Variants in ENPP2 observed in about 807,000 individuals in gnomAD.
The protein encoded by ENPP2 is ectonucleotide pyrophosphatase/phosphodiesterase 2, also known as autotaxin.
Under a neutral mutation model 120.2 loss-of-function variants are expected in ENPP2, and 51 were observed. The observed-to-expected ratio is 0.42, with a 90% CI of 0.34 to 0.54. The LOEUF (loss-of-function observed/expected upper bound fraction) is 0.54. Ranked by LOEUF, ENPP2 falls within the 20% of genes least tolerant of loss-of-function variation. The probability of loss-of-function intolerance (pLI) is 0.04; values close to 1 mark genes in which losing one functional copy is unlikely to be tolerated. For missense variants in ENPP2, 920 were observed against 1,066.5 expected, an observed-to-expected ratio of 0.86 and a Z score of 1.91; for synonymous variants, 365 against 366.4, an observed-to-expected ratio of 1.00 and a Z score of 0.04.
At chr8:119,619,694 A>G (rs1815748772) in intron 4 of ENPP2, among the ~76,000 whole-genome samples, 1 of 151,944 alleles carries the variant, frequency 6.6e-6, no homozygotes, top group African/African-American at 2.4e-5. Flanking sequence ...AGCATGGCAA[A>G]ACTTCCCTTT....
At chr8:119,567,563 TA>T (rs1337413103) in intron 22 of ENPP2, among the ~76,000 whole-genome samples, 2 of 152,144 alleles carry the variant, frequency 1.3e-5, no homozygotes, top group Non-Finnish European at 2.9e-5. Context: ...ACAAAGAAAT[TA>T]CAAATGTTCA....
At chr8:119,666,765 A>T (rs1818084417) in intron 1 of ENPP2, among the ~76,000 whole-genome samples, 1 of 139,070 alleles carries the variant, frequency 7.2e-6, no homozygotes, top group Non-Finnish European at 1.5e-5. Context: ...GGGCAAAAAG[A>T]GCAAAACTGT....
At chr8:119,563,119 C>T in intron 23 of ENPP2, 106 bp from the exon 24 acceptor site, 2 of 873,518 alleles carry the variant, frequency 2.3e-6, no homozygotes, top group Admixed American at 2.7e-5. Flanking sequence ...AAATTAATCC[C>T]CATTCAATTG....
intron 22 of ENPP2, among the ~76,000 whole-genome samples, chr8:119,567,058 C>T (rs1814513743): frequency 6.6e-6 from 1 of 152,208 alleles, no homozygotes; most frequent in Non-Finnish European, 1.5e-5. Context: ...TCGCCCATTC[C>T]TATTTTGAGA....
rs575923779 is a variant in ENPP2 at position 119,573,332 on chromosome 8, A to T, written c.1781-2491T>A. Among the ~76,000 whole-genome samples the T allele has an allele frequency of 2.0e-5, 3 of 150,488 alleles. No homozygotes were observed. The South Asian group carries it at 6.4e-4, about 32-fold the overall frequency. On this transcript the variant is annotated intron_variant, in intron 19 of 24. Coordinates refer to ENST00000075322, the MANE Select transcript of ENPP2 (RefSeq NM_001040092.3). ...TGAGACAGGAGAATCGCTTGAACCC[A>T]GGATGTGGAGGATGCAGTTAGCCAA...
At chr8:119,630,825 T>C (rs1816610010) in intron 2 of ENPP2, among the ~76,000 whole-genome samples, 1 of 152,168 alleles carries the variant, frequency 6.6e-6, no homozygotes. Context: ...GGGAAGGTAG[T>C]TTGAGCCATA....
intron 8 of ENPP2, among the ~76,000 whole-genome samples, chr8:119,613,170 G>A (rs936536687): frequency 2.6e-5 from 4 of 152,096 alleles, no homozygotes; most frequent in Admixed American, 2.6e-4. Context: ...ACCCACTTAA[G>A]GAACTCCATT....
intron 1 of ENPP2, among the ~76,000 whole-genome samples, chr8:119,654,382 G>C (rs1817711418): frequency 7.0e-6 from 1 of 141,938 alleles, no homozygotes; most frequent in Non-Finnish European, 1.5e-5. Flanking sequence ...TATATAGAGA[G>C]ATATATCTAG....
intron 11 of ENPP2, chr8:119,596,115 T>G: frequency 1.1e-6 from 1 of 950,542 alleles, no homozygotes; most frequent in Non-Finnish European, 1.5e-6. Context: ...TAACTAAGGC[T>G]CCTTAAGTGA....
chr8:119,603,097 A>G (rs1814432183), intron 9 of ENPP2, among the ~76,000 whole-genome samples: 1 of 152,208 alleles, frequency 6.6e-6, no homozygotes, highest in South Asian at 2.1e-4. Context: ...CCTGATCACT[A>G]TATCCTATAA....
chr8:119,652,318 G>GATTT (rs1366640459), intron 1 of ENPP2, among the ~76,000 whole-genome samples: 1 of 152,066 alleles, frequency 6.6e-6, no homozygotes, highest in Non-Finnish European at 1.5e-5. Flanking sequence ...TGGGAGTTAG[G>GATTT]ATTTCAACGT....
At chr8:119,564,184 A>C (rs1367289292) in intron 23 of ENPP2, among the ~76,000 whole-genome samples, 1 of 151,974 alleles carries the variant, frequency 6.6e-6, no homozygotes, top group East Asian at 1.9e-4. Context: ...TGACTCAGAA[A>C]ATCTAAGGGA....
intron 1 of ENPP2, among the ~76,000 whole-genome samples, chr8:119,646,166 T>C (rs1817461278): frequency 6.6e-6 from 1 of 152,100 alleles, no homozygotes; most frequent in African/African-American, 2.4e-5. Flanking sequence ...AGACGGGGTT[T>C]CACTGTGTTA....
rs532542422 is a variant in ENPP2 at position 119,609,617 on chromosome 8, C to T, written c.778-1640G>A. Among the ~76,000 whole-genome samples, 112 of 152,280 alleles carry T rather than the reference C, an allele frequency of 7.4e-4. 3 individuals carry two copies. The South Asian group carries it at 0.016, about 21-fold the overall frequency. ...TTCATTCTTGTTCCAGCACCTCCAC[C>T]AGCAAGAAGATGAGCTCAAATGAAG... On this transcript the variant is annotated intron_variant, in intron 8 of 24. Coordinates refer to ENST00000075322, the MANE Select transcript of ENPP2 (RefSeq NM_001040092.3).
At chr8:119,621,360 T>G (rs769840053) in intron 4 of ENPP2, 34 bp downstream of exon 4, 1 of 1,607,806 alleles carries the variant, frequency 6.2e-7, no homozygotes, top group Non-Finnish European at 8.5e-7. Flanking sequence ...TTTTTATTCT[T>G]TTAAAGCTCA....
At chr8:119,592,953 G>A in intron 12 of ENPP2, 1 of 976,994 alleles carries the variant, frequency 1.0e-6, no homozygotes, top group Non-Finnish European at 1.2e-6. Context: ...CAAAGAGTCA[G>A]CCAATTTTCA....
intron 1 of ENPP2, among the ~76,000 whole-genome samples, chr8:119,651,640 C>T (rs1179737432): frequency 6.6e-6 from 1 of 152,114 alleles, no homozygotes; most frequent in Non-Finnish European, 1.5e-5. Context: ...AGTCTTGATA[C>T]TTGATAATGT....
chr8:119,585,030 C>T (rs148168562), intron 15 of ENPP2, among the ~76,000 whole-genome samples: 179 of 152,246 alleles, frequency 1.2e-3, no homozygotes, highest in African/African-American at 4.2e-3. Context: ...ATTTGCCCAA[C>T]TGTCATCATC....
intron 24 of ENPP2, among the ~76,000 whole-genome samples, 154 bp from the exon 25 acceptor site, chr8:119,557,845 G>A (rs747226306): frequency 1.9e-4 from 29 of 152,240 alleles, no homozygotes; most frequent in Non-Finnish European, 3.1e-4. Flanking sequence ...CCACTCTACC[G>A]CATTCCTATG....
Sources: gnomAD v4.1 joint callset for allele counts (sites outside exome capture counted in the v4.1 genomes callset) on GRCh38, gnomAD v4.1.1 for gene constraint, MANE v1.5 for transcripts, NCBI Gene and HGNC (gene_info 2026-07-23, HGNC 2026-07-21) for gene names.